Variants in CLN8 observed in about 807,000 individuals in gnomAD.
CLN8 encodes CLN8 transmembrane ER and ERGIC protein.
In CLN8, 14 loss-of-function variants were observed where a neutral mutation model predicts 15.7. The ratio of observed to expected loss-of-function variants is 0.89; its 90% CI spans 0.59 to 1.39. The LOEUF (loss-of-function observed/expected upper bound fraction) is 1.39. Among genes scored for constraint, CLN8 ranks in the 40% most tolerant of loss-of-function variants. The pLI is 0.00. For synonymous variants in CLN8, 188 were observed against 151.0 expected (o/e 1.25, Z -1.80); for missense variants, 415 against 364.0 (o/e 1.14, Z -1.14).
upstream of CLN8, chr8:1,759,950 C>T (rs926922529): frequency 6.6e-6 from 1 of 152,180 alleles, no homozygotes; most frequent in African/African-American, 2.4e-5. Context: ...GAACTCCTCC[C>T]ATCCCTCCGC....
chr8:1,767,840 G>A (rs2130979661), intron 1 of CLN8, among the ~76,000 whole-genome samples: 1 of 152,062 alleles, frequency 6.6e-6, no homozygotes, highest in Non-Finnish European at 1.5e-5. Context: ...CAAAGTGCTG[G>A]GATTACAGGC....
At position 1,782,914 on chromosome 8, in the gene CLN8, T is replaced by C. The variant is rs1181314678; in HGVS notation, c.*2347T>C. ...CCTCCTGTATCTTCATACGCGTGTGTGGATGCATAGAGATGGAGGTGCTGT... is the reference window on the plus strand; with the variant it reads ...CCTCCTGTATCTTCATACGCGTGTGCGGATGCATAGAGATGGAGGTGCTGT... On this transcript the variant is annotated 3_prime_UTR_variant, in exon 3 of 3. Coordinates refer to ENST00000331222, the MANE Select transcript of CLN8 (RefSeq NM_018941.4). The C allele has an allele frequency of 6.6e-6, 1 of 152,232 alleles. No homozygotes were observed. Among genetic ancestry groups the C allele is most frequent in the African/African-American group, 2.4e-5 (1 of 41,448 alleles). 9.4% of individuals were successfully genotyped at this position (152,232 alleles called of 1,614,324 possible). A position where few individuals can be genotyped will look rare whatever the true frequency, so the allele number is the denominator to read the frequency against.
At chr8:1,779,493 C>T (rs192017684) in intron 2 of CLN8, among the ~76,000 whole-genome samples, 27 of 152,358 alleles carry the variant, frequency 1.8e-4, no homozygotes, top group Non-Finnish European at 8.8e-5. Flanking sequence ...GATCTACCCA[C>T]TTCGGCCTCC....
At chr8:1,774,589 A>T (rs542053826) in intron 2 of CLN8, among the ~76,000 whole-genome samples, 3 of 152,296 alleles carry the variant, frequency 2.0e-5, no homozygotes, top group African/African-American at 7.2e-5. Context: ...TCAATTTAGG[A>T]TGGGGGTCTA....
upstream of CLN8, chr8:1,755,637 C>T (rs1415562060): frequency 4.6e-5 from 7 of 152,242 alleles, no homozygotes; most frequent in African/African-American, 9.7e-5. Context: ...GGGGGTTGGA[C>T]GCACCACAAC....
Position 1,771,413 on chromosome 8 carries a change from C to T in CLN8, c.359C>T (p.Ala120Val). ...ATGFFCFENVAVHLSNLIFRT... is the reference protein window; with the variant it reads ...ATGFFCFENVVVHLSNLIFRT... ...GGATTCTTTTGCTTTGAAAATGTTG[C>T]AGTCCACCTGTCCAACTTGATCTTC... Residue 120 changes from alanine to valine, a missense_variant, in exon 2 of 3, where the codon GCA (alanine) becomes GTA (valine). Transcript: ENST00000331222. 2 of 1,614,182 alleles carry T rather than the reference C, an allele frequency of 1.2e-6. No homozygotes were observed. The highest frequency in any genetic ancestry group is 2.2e-5 in the South Asian group (2 of 91,090).
Position 1,770,682 on chromosome 8 carries a change from T to C in CLN8, c.-123-250T>C, listed in dbSNP as rs539174947. On this transcript the variant is annotated intron_variant, in intron 1 of 2. Coordinates refer to ENST00000331222, the MANE Select transcript of CLN8 (RefSeq NM_018941.4). ...TGGTGGGGTGCACATAGGACGAGCATAGGACCGTGTGTTCCTGCCAGCACG... is the reference window on the plus strand; with the variant it reads ...TGGTGGGGTGCACATAGGACGAGCACAGGACCGTGTGTTCCTGCCAGCACG... Among the ~76,000 whole-genome samples, 15 of 152,296 alleles carry C rather than the reference T, an allele frequency of 9.8e-5. No individual in the cohort carries two copies. In the South Asian group the frequency reaches 2.9e-3, roughly 29 times the overall value.
At chr8:1,764,459 G>C (rs1199306130) in intron 1 of CLN8, 1 of 152,348 alleles carries the variant, frequency 6.6e-6, no homozygotes, top group Non-Finnish European at 1.5e-5. Flanking sequence ...GCGGGGAGGC[G>C]GCTCCTGCAG....
At chr8:1,772,314 G>A (rs1309522635) in intron 2 of CLN8, among the ~76,000 whole-genome samples, 1 of 152,136 alleles carries the variant, frequency 6.6e-6, no homozygotes, top group Non-Finnish European at 1.5e-5. Flanking sequence ...TTTGAATAAG[G>A]TTGTTGTACT....
chr8:1,753,843 G>A (rs999977008), upstream of CLN8, among the ~76,000 whole-genome samples: 3 of 151,344 alleles, frequency 2.0e-5, no homozygotes, highest in Admixed American at 6.6e-5. Flanking sequence ...CTGAGATCGC[G>A]CCATTGCACT....
At chr8:1,775,337 C>G (rs943770058) in intron 2 of CLN8, among the ~76,000 whole-genome samples, 3 of 152,084 alleles carry the variant, frequency 2.0e-5, no homozygotes, top group African/African-American at 7.2e-5. Context: ...GCAGGGAGCC[C>G]AGGAACCAGT....
intron 2 of CLN8, among the ~76,000 whole-genome samples, chr8:1,774,254 G>T (rs552770581): frequency 1.8e-4 from 28 of 152,322 alleles, no homozygotes; most frequent in African/African-American, 6.5e-4. Flanking sequence ...TGCTGTTTGT[G>T]TAGAATGGAG....
At chr8:1,766,603 G>C (rs756858715) in intron 1 of CLN8, among the ~76,000 whole-genome samples, 4 of 151,970 alleles carry the variant, frequency 2.6e-5, no homozygotes, top group African/African-American at 9.7e-5. Flanking sequence ...ATGTTAGCCA[G>C]GATGGTCTCG....
In CLN8 at chr8:1,782,627, G is replaced by C. The variant is rs1372025785; in HGVS notation, c.*2060G>C. Reference sequence around the variant, plus strand: ...CAGCACTCTCTGCAGCCGTGCCCTTGTGGAGTCAGCAGGAGCTGGTGTTTT... The same window carrying C: ...CAGCACTCTCTGCAGCCGTGCCCTTCTGGAGTCAGCAGGAGCTGGTGTTTT... On this transcript the variant is annotated 3_prime_UTR_variant, in exon 3 of 3. Transcript: ENST00000331222. 6.6e-6 allele frequency: 1 copy of C among 152,242 alleles called. No homozygotes were observed. The highest frequency in any genetic ancestry group is 1.5e-5 in the Non-Finnish European group (1 of 68,042). 9.4% of individuals were successfully genotyped at this position (152,242 alleles called of 1,614,324 possible). A position where few individuals can be genotyped will look rare whatever the true frequency, so the allele number is the denominator to read the frequency against.
chr8:1,762,843 T>G (rs1177292344), upstream of CLN8: 1 of 152,212 alleles, frequency 6.6e-6, no homozygotes, highest in African/African-American at 2.4e-5. Flanking sequence ...GTGCAGATGC[T>G]CTGTATCGAT....
In CLN8 at chr8:1,771,456, T is replaced by A. The variant is rs1167946561; in HGVS notation, c.402T>A (p.Phe134Leu). 1 of 1,614,258 alleles carries A rather than the reference T, an allele frequency of 6.2e-7. No individual in the cohort carries two copies. Among genetic ancestry groups the A allele is most frequent in the Non-Finnish European group, 8.5e-7 (1 of 1,180,050 alleles). Reference sequence around the variant, plus strand: ...TGATCTTCCGGACATTTGACTTGTTTCTGGTTATCCACCATCTCTTTGCCT... The same window carrying A: ...TGATCTTCCGGACATTTGACTTGTTACTGGTTATCCACCATCTCTTTGCCT... The part of the protein sequence containing the change: ...SNLIFRTFDL[F>L]LVIHHLFAFL... The change falls in exon 2 of 3, where the codon TTT (phenylalanine) becomes TTA (leucine). Residue 134 changes from phenylalanine to leucine, a missense_variant. Coordinates refer to ENST00000331222, the MANE Select transcript of CLN8 (RefSeq NM_018941.4).
At chr8:1,769,417 C>T (rs561668544) in intron 1 of CLN8, among the ~76,000 whole-genome samples, 1 of 152,174 alleles carries the variant, frequency 6.6e-6, no homozygotes, top group Non-Finnish European at 1.5e-5. Flanking sequence ...ACAATTGAGT[C>T]AATTCTGGGG....
At chr8:1,763,982 G>A (rs1297616713) in intron 1 of CLN8, 97 bp downstream of exon 1, 7 of 80,998 alleles carry the variant, frequency 8.6e-5, no homozygotes, top group African/African-American at 2.7e-4. Flanking sequence ...CGGGAACCCA[G>A]GTGAGGGGCA....
intron 1 of CLN8, 33 bp from the exon 2 acceptor site, chr8:1,770,899 G>C (rs1260973641): frequency 2.9e-6 from 2 of 694,410 alleles, no homozygotes; most frequent in South Asian, 3.2e-5. Context: ...TGTTTCTATC[G>C]AGTCAACACA....
Sources: allele counts gnomAD v4.1 joint callset (sites outside exome capture counted in the v4.1 genomes callset), GRCh38; gene constraint gnomAD v4.1.1; transcripts MANE v1.5; gene names NCBI Gene and HGNC (gene_info 2026-07-23, HGNC 2026-07-21).